Variants in SRGAP2C observed in about 807,000 individuals in gnomAD.
The protein encoded by SRGAP2C is SLIT-ROBO Rho GTPase-activating protein 2C.
SRGAP2C carries 15 observed loss-of-function variants against 25.1 expected under a neutral mutation model. The observed-to-expected ratio is 0.60, with a 90% CI of 0.40 to 0.92. The LOEUF is 0.92. Among genes scored for constraint, SRGAP2C ranks in the 40% least tolerant of loss-of-function variants. The pLI, the probability that SRGAP2C is intolerant of heterozygous loss-of-function variation, is 0.00. For synonymous variants in SRGAP2C, 44 were observed against 96.6 expected (o/e 0.46, Z 3.19); for missense variants, 144 against 264.4 (o/e 0.54, Z 3.16).
At chr1:121,355,332 T>C (rs1473891996) in intron 4 of SRGAP2C, among the ~76,000 whole-genome samples, 2 of 116,844 alleles carry the variant, frequency 1.7e-5, no homozygotes, top group Admixed American at 1.8e-4. Flanking sequence ...TTTTTTTTTT[T>C]TTTGAGACGG....
chr1:121,390,736 T>A lies in SRGAP2C; in HGVS notation c.*2881T>A, dbSNP rs1259714742. On this transcript the variant is annotated 3_prime_UTR_variant, in exon 10 of 10. Coordinates refer to ENST00000367123, the MANE Select transcript of SRGAP2C (RefSeq NM_001329984.2). ...AAAATTACCTAACCCAACCTTCTCA[T>A]TTGAAAAATTAAAAAATAAATAGGC... 1.0e-4 allele frequency: 15 copies of A among 144,044 alleles called. No individual in the cohort carries two copies. Among genetic ancestry groups the A allele is most frequent in the African/African-American group, 3.9e-4 (15 of 38,814 alleles). The allele number at this position is 144,044 out of a possible 1,614,324, so 8.9% of individuals were successfully genotyped here. A position where few individuals can be genotyped will look rare whatever the true frequency, so the allele number is the denominator to read the frequency against.
At chr1:121,185,345 A>G in intron 1 of SRGAP2C, 1 of 954,970 alleles carries the variant, frequency 1.0e-6, no homozygotes, top group South Asian at 1.6e-5. Flanking sequence ...CTCTCCGCCC[A>G]TCACTGTACA....
At chr1:121,241,858 G>A (rs1656127790) in intron 2 of SRGAP2C, among the ~76,000 whole-genome samples, 2 of 138,534 alleles carry the variant, frequency 1.4e-5, no homozygotes, top group African/African-American at 5.3e-5. Flanking sequence ...TTTAAAATAT[G>A]AAAAAAAATT....
At chr1:121,191,485 C>G (rs1176158188) in intron 2 of SRGAP2C, among the ~76,000 whole-genome samples, 1 of 149,182 alleles carries the variant, frequency 6.7e-6, no homozygotes, top group Non-Finnish European at 1.5e-5. Context: ...AGATATGGAA[C>G]CTGCAGGTAT....
chr1:121,355,447 A>G (rs1659043056), intron 4 of SRGAP2C, among the ~76,000 whole-genome samples: 1 of 78,264 alleles, frequency 1.3e-5, no homozygotes, highest in Non-Finnish European at 2.5e-5. Flanking sequence ...CCTCCTGAAT[A>G]GCTGGGACTA....
In SRGAP2C at chr1:121,268,389, G is replaced by C. The variant is rs587746348; in HGVS notation, c.68-16414G>C. On this transcript the variant is annotated intron_variant, in intron 2 of 9. Coordinates refer to ENST00000367123, the MANE Select transcript of SRGAP2C (RefSeq NM_001329984.2). Reference sequence around the variant, plus strand: ...TAGCTGGGGGCCAGTGAGTAAGGGTGAACTGGGCCATGTAAGGTTTTGGAA... The same window carrying C: ...TAGCTGGGGGCCAGTGAGTAAGGGTCAACTGGGCCATGTAAGGTTTTGGAA... Among the ~76,000 whole-genome samples the C allele has an allele frequency of 2.6e-5, 4 of 151,916 alleles. No individual in the cohort carries two copies. In the South Asian group the frequency reaches 8.3e-4, roughly 32 times the overall value.
chr1:121,222,686 A>C (rs1348044691), intron 2 of SRGAP2C, among the ~76,000 whole-genome samples: 1 of 152,234 alleles, frequency 6.6e-6, no homozygotes, highest in African/African-American at 2.4e-5. Flanking sequence ...AGAGAGAAGA[A>C]GAGAAAGAAA....
At chr1:121,322,156 T>C (rs1360493557) in intron 3 of SRGAP2C, among the ~76,000 whole-genome samples, 1 of 149,866 alleles carries the variant, frequency 6.7e-6, no homozygotes, top group Non-Finnish European at 1.5e-5. Flanking sequence ...TCCATCTTCT[T>C]CCTTAAGAAA....
intron 4 of SRGAP2C, among the ~76,000 whole-genome samples, chr1:121,329,234 A>T (rs1326376609): frequency 1.3e-5 from 2 of 151,932 alleles, no homozygotes; most frequent in Non-Finnish European, 1.5e-5. Flanking sequence ...AGAGAGAGAG[A>T]TTAAGAAAAA....
chr1:121,356,481 CATTG>C (rs1659067466), intron 4 of SRGAP2C, among the ~76,000 whole-genome samples: 1 of 143,696 alleles, frequency 7.0e-6, no homozygotes, highest in South Asian at 2.4e-4. Flanking sequence ...AGTTCCAAGC[CATTG>C]ATTGTTTTTC....
intron 5 of SRGAP2C, among the ~76,000 whole-genome samples, chr1:121,366,916 A>G (rs1158815377): frequency 8.6e-6 from 1 of 116,780 alleles, no homozygotes; most frequent in Non-Finnish European, 1.9e-5. Flanking sequence ...CCAGGGTCCT[A>G]TGTCTCTTCA....
chr1:121,388,031 C>T lies in SRGAP2C; in HGVS notation c.*176C>T. ...TGTATATGTCTAACAGGGATCCGCC[C>T]AAGAGAAAGGATGCTCCCAAGTATA... On this transcript the variant is annotated 3_prime_UTR_variant, in exon 10 of 10. Coordinates refer to ENST00000367123, the MANE Select transcript of SRGAP2C (RefSeq NM_001329984.2). The T allele has an allele frequency of 1.9e-6, 1 of 536,326 alleles. No homozygotes were observed. Among genetic ancestry groups the T allele is most frequent in the Non-Finnish European group, 3.3e-6 (1 of 298,746 alleles). The allele number at this position is 536,326 out of a possible 1,614,324, so 33.2% of individuals were successfully genotyped here.
At chr1:121,331,954 A>G (rs1248803372) in intron 4 of SRGAP2C, among the ~76,000 whole-genome samples, 65 of 150,836 alleles carry the variant, frequency 4.3e-4, no homozygotes, top group Non-Finnish European at 7.4e-4. Context: ...GACACAAGGG[A>G]GTTTGTAGGG....
At chr1:121,263,681 A>G (rs1279698498) in intron 2 of SRGAP2C, among the ~76,000 whole-genome samples, 2 of 151,764 alleles carry the variant, frequency 1.3e-5, no homozygotes, top group African/African-American at 2.4e-5. Context: ...AGATTGAATC[A>G]AATGCTAAGT....
intron 2 of SRGAP2C, among the ~76,000 whole-genome samples, chr1:121,263,445 A>AG (rs1312811359): frequency 4.0e-5 from 6 of 150,912 alleles, no homozygotes; most frequent in African/African-American, 4.9e-5. Flanking sequence ...AAAAAAAAAA[A>AG]AAAAACTTCA....
intron 2 of SRGAP2C, among the ~76,000 whole-genome samples, chr1:121,272,472 A>C (rs1481693321): frequency 1.3e-5 from 2 of 151,554 alleles, no homozygotes; most frequent in Non-Finnish European, 3.0e-5. Context: ...TTTTCCTGCT[A>C]TTGCCTTCAA....
intron 4 of SRGAP2C, among the ~76,000 whole-genome samples, chr1:121,339,313 G>T (rs1340421611): frequency 6.8e-6 from 1 of 147,084 alleles, no homozygotes; most frequent in Non-Finnish European, 1.5e-5. Context: ...GTACAGTGGC[G>T]TGATCTTGGC....
Position 121,372,920 on chromosome 1 carries a change from C to T in SRGAP2C, c.487-1051C>T, listed in dbSNP as rs1292347899. ...ACACACACACATGCACACACACACCCAACTTCTACTCTCTAATTATCCCTC... is the reference window on the plus strand; with the variant it reads ...ACACACACACATGCACACACACACCTAACTTCTACTCTCTAATTATCCCTC... On this transcript the variant is annotated intron_variant, in intron 5 of 9. Transcript: ENST00000367123. Among the ~76,000 whole-genome samples the T allele has an allele frequency of 4.4e-5, 4 of 91,888 alleles. 1 individual carries two copies. Among genetic ancestry groups the T allele is most frequent in the African/African-American group, 1.3e-4 (3 of 23,902 alleles). The allele number at this position is 91,888 out of a possible 152,430, so 60.3% of individuals were successfully genotyped here.
chr1:121,352,211 G>GATTAAA (rs1658924789), intron 4 of SRGAP2C, among the ~76,000 whole-genome samples: 1 of 6,172 alleles, frequency 1.6e-4, no homozygotes, highest in African/African-American at 7.1e-4. Flanking sequence ...AGATGGTGCT[G>GATTAAA]AATAAATAAT....
Sources: gnomAD v4.1 joint callset for allele counts (sites outside exome capture counted in the v4.1 genomes callset) on GRCh38, gnomAD v4.1.1 for gene constraint, MANE v1.5 for transcripts, NCBI Gene and HGNC (gene_info 2026-07-23, HGNC 2026-07-21) for gene names.